NRG1: variants seen among roughly 807,000 people sequenced by gnomAD.
NRG1 encodes neuregulin 1, also known as pro-neuregulin-1, membrane-bound isoform.
Under a neutral mutation model 63.8 loss-of-function variants are expected in NRG1, and 18 were observed. That is an observed-to-expected ratio of 0.28 (90% CI 0.19 to 0.42). The LOEUF is 0.42. Ranked by LOEUF, NRG1 falls within the 10% of genes least tolerant of loss-of-function variation. The pLI, the probability that NRG1 is intolerant of heterozygous loss-of-function variation, is 1.00. For synonymous variants in NRG1, 302 were observed against 301.3 expected, an observed-to-expected ratio of 1.00 and a Z score of -0.02; for missense variants, 762 against 814.7, an observed-to-expected ratio of 0.94 and a Z score of 0.79.
At chr8:32,638,252 C>T (rs746422027) in intron 5 of NRG1, among the ~76,000 whole-genome samples, 33 of 152,250 alleles carry the variant, frequency 2.2e-4, no homozygotes, top group Non-Finnish European at 4.3e-4. Flanking sequence ...TAACATGGCA[C>T]ATGTATACCT....
At chr8:32,493,122 A>G (rs984638652) in intron 1 of NRG1, among the ~76,000 whole-genome samples, 3 of 152,140 alleles carry the variant, frequency 2.0e-5, no homozygotes, top group East Asian at 1.9e-4. Flanking sequence ...GTAATTAACA[A>G]CCCTTCTGTG....
chr8:32,737,675 CTTTTTTT>C (rs561750288), intron 6 of NRG1, among the ~76,000 whole-genome samples: 1 of 127,884 alleles, frequency 7.8e-6, no homozygotes, highest in Non-Finnish European at 1.6e-5. Context: ...GACAATCTTC[CTTTTTTT>C]TTTTTTTTTT....
intron 1 of NRG1, chr8:32,256,399 A>G (rs764475823): frequency 6.6e-6 from 1 of 151,986 alleles, no homozygotes; most frequent in Non-Finnish European, 1.5e-5. Context: ...GTTGATATTG[A>G]TGCTATTCCT....
chr8:32,379,082 C>CTTT (rs11377848), intron 1 of NRG1, among the ~76,000 whole-genome samples: 9 of 151,720 alleles, frequency 5.9e-5, no homozygotes, highest in African/African-American at 2.2e-4. Context: ...ATAAACATAT[C>CTTT]TTTTTTTAAA....
intron 1 of NRG1, among the ~76,000 whole-genome samples, chr8:32,418,547 T>C (rs1816257556): frequency 1.3e-5 from 2 of 152,076 alleles, no homozygotes; most frequent in Admixed American, 1.3e-4. Context: ...ACTAGATGCA[T>C]TTCAGGTTCC....
intron 1 of NRG1, among the ~76,000 whole-genome samples, chr8:32,397,737 C>T (rs1812628585): frequency 6.6e-6 from 1 of 152,178 alleles, no homozygotes; most frequent in Non-Finnish European, 1.5e-5. Context: ...GAAACACACC[C>T]TCCTCTTCCC....
intron 1 of NRG1, among the ~76,000 whole-genome samples, chr8:31,954,309 G>A (rs1360652521): frequency 6.6e-6 from 1 of 152,168 alleles, no homozygotes; most frequent in Non-Finnish European, 1.5e-5. Flanking sequence ...GCTAGTCAAT[G>A]GCAAAGTGGG....
intron 1 of NRG1, among the ~76,000 whole-genome samples, chr8:32,502,818 TAAAC>T (rs914260472): frequency 9.2e-5 from 14 of 152,194 alleles, no homozygotes; most frequent in African/African-American, 2.9e-4. Flanking sequence ...AATGAAGAAA[TAAAC>T]AATCATAAAC....
At chr8:31,760,052 C>A (rs73590139) in intron 1 of NRG1, among the ~76,000 whole-genome samples, 24 of 152,078 alleles carry the variant, frequency 1.6e-4, no homozygotes, top group Middle Eastern at 3.4e-3. Flanking sequence ...ATCCTGAACC[C>A]CTCAAAGTTA....
upstream of NRG1, among the ~76,000 whole-genome samples, chr8:32,545,051 C>T (rs528006124): frequency 2.2e-4 from 34 of 152,306 alleles, no homozygotes; most frequent in African/African-American, 7.9e-4. Context: ...AGTCCCATTA[C>T]TGTCAACATG....
chr8:32,271,316 G>A (rs1453029871), intron 1 of NRG1, among the ~76,000 whole-genome samples: 1 of 152,070 alleles, frequency 6.6e-6, no homozygotes, highest in Non-Finnish European at 1.5e-5. Context: ...TAACAACAGA[G>A]TAAATTATTT....
chr8:31,699,711 TA>T (rs36120959), intron 1 of NRG1, among the ~76,000 whole-genome samples: 22,564 of 151,418 alleles, frequency 0.15, 1,820 homozygotes, highest in Admixed American at 0.21. Context: ...TTCCTTTTTT[TA>T]AAAAAAAAAT....
At chr8:31,720,775 A>T (rs1380067819) in intron 1 of NRG1, among the ~76,000 whole-genome samples, 1 of 152,220 alleles carries the variant, frequency 6.6e-6, no homozygotes, top group Non-Finnish European at 1.5e-5. Context: ...AGATGTTAAG[A>T]TGACAGCTGA....
chr8:32,603,877 C>T (rs1231615457), intron 2 of NRG1, among the ~76,000 whole-genome samples: 1 of 152,124 alleles, frequency 6.6e-6, no homozygotes, highest in Non-Finnish European at 1.5e-5. Flanking sequence ...TTTTTCTTTC[C>T]TCCCAACCAG....
intron 1 of NRG1, among the ~76,000 whole-genome samples, chr8:32,071,940 C>A (rs188323284): frequency 6.6e-6 from 1 of 151,994 alleles, no homozygotes; most frequent in Non-Finnish European, 1.5e-5. Flanking sequence ...AGTTAGTAGA[C>A]GAAGTGTATG....
At chr8:32,709,878 A>ACAAAT (rs1299944921) in intron 5 of NRG1, among the ~76,000 whole-genome samples, 1 of 152,198 alleles carries the variant, frequency 6.6e-6, no homozygotes, top group Non-Finnish European at 1.5e-5. Flanking sequence ...TGAAAATTAC[A>ACAAAT]CAAATTAACT....
chr8:31,721,542 T>C (rs1171514706), intron 1 of NRG1, among the ~76,000 whole-genome samples: 1 of 152,200 alleles, frequency 6.6e-6, no homozygotes, highest in East Asian at 1.9e-4. Flanking sequence ...TATCAGATCA[T>C]TCTGTTCCTT....
chr8:31,896,374 T>C (rs1428987335), intron 1 of NRG1, among the ~76,000 whole-genome samples: 1 of 152,242 alleles, frequency 6.6e-6, no homozygotes, highest in Non-Finnish European at 1.5e-5. Context: ...TTTAACATGA[T>C]ACATAAGACT....
chr8:32,310,156 C>T (rs1856658367), intron 1 of NRG1, among the ~76,000 whole-genome samples: 1 of 152,206 alleles, frequency 6.6e-6, no homozygotes, highest in Admixed American at 6.5e-5. Flanking sequence ...CAGCTTGTTG[C>T]TAATGCCCTC....
Sources: allele counts gnomAD v4.1 joint callset (sites outside exome capture counted in the v4.1 genomes callset), GRCh38; gene constraint gnomAD v4.1.1; transcripts MANE v1.5; gene names NCBI Gene and HGNC (gene_info 2026-07-23, HGNC 2026-07-21).